The following ERCC8 variants were observed in gnomAD, a reference collection of about 807,000 sequenced individuals.
The protein encoded by ERCC8 is DNA excision repair protein ERCC-8.
ERCC8 carries 52 observed loss-of-function variants against 54.9 expected under a neutral mutation model. The ratio of observed to expected loss-of-function variants is 0.95; its 90% confidence interval spans 0.76 to 1.19. The LOEUF (loss-of-function observed/expected upper bound fraction) is 1.19. ERCC8 is among the 50% of genes most tolerant of loss of function. ERCC8 has a pLI of 0.00. For missense variants in ERCC8, 514 were observed against 466.1 expected (o/e 1.10, Z -0.95); for synonymous variants, 146 against 157.2 (o/e 0.93, Z 0.53).
intron 9 of ERCC8, chr5:60,892,396 G>C (rs990609570): frequency 3.7e-6 from 2 of 542,826 alleles, no homozygotes; most frequent in Non-Finnish European, 7.4e-6. Context: ...CGGTATCCTC[G>C]ATGTCAAAGA....
chr5:60,879,649 T>A (rs557411211), intron 11 of ERCC8, among the ~76,000 whole-genome samples: 1 of 152,354 alleles, frequency 6.6e-6, no homozygotes, highest in Non-Finnish European at 1.5e-5. Flanking sequence ...TGATCTTTGT[T>A]GGTTTAAAGT....
intron 11 of ERCC8, among the ~76,000 whole-genome samples, chr5:60,881,533 G>A (rs531935303): frequency 1.5e-3 from 235 of 152,326 alleles, no homozygotes; most frequent in Middle Eastern, 6.8e-3. Context: ...CAGCCGCTTT[G>A]TTTACCTACT....
rs200513212 is a variant in ERCC8, at chr5:60,887,476, A to C, written c.1086T>G (p.Val362=). Residue 362 remains valine, a synonymous_variant, in exon 11 of 12, where the codon GTT becomes GTG. Transcript: ENST00000676185. ...GSRDCNILAW[V]PSLYEPVPDD... ...CAGGAACTGGTTCATATAAGGATGG[A>C]ACCCAAGCCAGAATGTTGCAGTCTC... The C allele has an allele frequency of 4.3e-6, 7 of 1,613,938 alleles. No homozygotes were observed. Among genetic ancestry groups the C allele is most frequent in the African/African-American group, 1.3e-5 (1 of 74,946 alleles).
chr5:60,911,051 T>C (rs989593992), intron 4 of ERCC8, among the ~76,000 whole-genome samples: 1 of 152,104 alleles, frequency 6.6e-6, no homozygotes, highest in African/African-American at 2.4e-5. Context: ...GAGAATTTTA[T>C]TTTTATTTTT....
At chr5:60,916,553 T>G (rs2112514099) in intron 4 of ERCC8, among the ~76,000 whole-genome samples, 1 of 152,152 alleles carries the variant, frequency 6.6e-6, no homozygotes, top group East Asian at 1.9e-4. Flanking sequence ...TAGTCAGAAG[T>G]GAAAGGTCAT....
At position 60,873,674 on chromosome 5, in the gene ERCC8, CT is replaced by C. The variant is rs1032911635; in HGVS notation, c.*940del. Reference sequence around the variant, plus strand: ...CCTGAGCGACAGAGTGAAACTCCATCTCAGGAAAAAAACAAAAAAACAAAAA... The same window carrying C: ...CCTGAGCGACAGAGTGAAACTCCATCCAGGAAAAAAACAAAAAAACAAAAA... On this transcript the variant is annotated 3_prime_UTR_variant, in exon 12 of 12. Transcript: ENST00000676185. Among the ~76,000 whole-genome samples, 1 of 151,962 alleles carries C rather than the reference CT, an allele frequency of 6.6e-6. No homozygotes were observed. The highest frequency in any genetic ancestry group is 1.5e-5 in the Non-Finnish European group (1 of 68,004).
At chr5:60,896,253 G>T (rs1478863822) in intron 9 of ERCC8, among the ~76,000 whole-genome samples, 2 of 149,154 alleles carry the variant, frequency 1.3e-5, no homozygotes, top group African/African-American at 5.0e-5. Flanking sequence ...TTTTGCTCTT[G>T]TTGCCCAGGC....
chr5:60,892,763 C>T (rs1748602589), intron 9 of ERCC8: 1 of 691,022 alleles, frequency 1.4e-6, no homozygotes, highest in Middle Eastern at 2.9e-4. Context: ...CTGGAGCATC[C>T]AGCAGCCGGA....
intron 4 of ERCC8, chr5:60,918,024 A>C (rs976952258): frequency 6.3e-6 from 3 of 479,636 alleles, no homozygotes; most frequent in Non-Finnish European, 1.2e-5. Flanking sequence ...ACCATACTAT[A>C]ATCATTATTC....
intron 11 of ERCC8, among the ~76,000 whole-genome samples, chr5:60,883,421 T>A (rs114997438): frequency 0.013 from 1,970 of 152,286 alleles, 29 homozygotes; most frequent in Non-Finnish European, 0.017. Flanking sequence ...CTCCTCCTAG[T>A]GGACATGCAG....
At chr5:60,919,853 T>C (rs1295865158) in intron 3 of ERCC8, among the ~76,000 whole-genome samples, 1 of 151,916 alleles carries the variant, frequency 6.6e-6, no homozygotes, top group Non-Finnish European at 1.5e-5. Context: ...GGCTGGAACA[T>C]TTTTTTAAAA....
chr5:60,874,623 C>G lies in ERCC8; in HGVS notation c.1183G>C (p.Glu395Gln). The change falls in exon 12 of 12, where the codon GAA becomes CAA. Residue 395 changes from glutamate to glutamine, a missense_variant. Glu to Gln is a conservative substitution (Grantham distance 29, BLOSUM62 2). Transcript: ENST00000676185. ...GGTACTAAAGATGATATTCATCCTT[C>G]TTCATCACTGCTGCTCCAGGCATCT... ...FEDAWSSSDEEG is the reference protein window; with the variant it reads ...FEDAWSSSDEQG The G allele has an allele frequency of 5.6e-6, 9 of 1,613,158 alleles. No homozygotes were observed. Among genetic ancestry groups the G allele is most frequent in the Non-Finnish European group, 7.6e-6 (9 of 1,179,684 alleles).
At chr5:60,904,753 T>C (rs1368283872) in intron 5 of ERCC8, 39 bp downstream of exon 5, 1 of 1,318,214 alleles carries the variant, frequency 7.6e-7, no homozygotes, top group Non-Finnish European at 1.1e-6. Context: ...GGGAGAAAGT[T>C]TTCAGTATGT....
rs1747883031 is a variant in ERCC8, at chr5:60,872,459, C to G, written c.*2156G>C. ...GGAACTCAATAGCAGGAAAACAACCCATTTAAAAATGGGCAAAGAACCTGA... is the reference window on the plus strand; with the variant it reads ...GGAACTCAATAGCAGGAAAACAACCGATTTAAAAATGGGCAAAGAACCTGA... On this transcript the variant is annotated 3_prime_UTR_variant, in exon 12 of 12. Transcript: ENST00000676185. 6.6e-6 allele frequency among the ~76,000 whole-genome samples: 1 copy of G among 152,002 alleles called. No individual in the cohort carries two copies. The highest frequency in any genetic ancestry group is 2.1e-4 in the South Asian group (1 of 4,814).
intron 10 of ERCC8, 80 bp from the exon 11 acceptor site, chr5:60,887,600 A>G: frequency 1.9e-6 from 2 of 1,032,590 alleles, no homozygotes; most frequent in Non-Finnish European, 3.1e-6. Context: ...TTTTTGAAAT[A>G]ATTAGGTCAT....
chr5:60,889,201 C>T (rs1748478236), intron 10 of ERCC8, among the ~76,000 whole-genome samples: 1 of 152,284 alleles, frequency 6.6e-6, no homozygotes, highest in Middle Eastern at 3.4e-3. Context: ...GTGCCAGGCT[C>T]CTTCAGGGTA....
intron 3 of ERCC8, among the ~76,000 whole-genome samples, chr5:60,920,164 T>C (rs1427712904): frequency 1.3e-5 from 2 of 152,104 alleles, no homozygotes; most frequent in East Asian, 3.9e-4. Flanking sequence ...GACTGTGTTC[T>C]CTATCCTGAC....
intron 9 of ERCC8, chr5:60,892,793 C>T (rs1375903005): frequency 4.4e-6 from 3 of 682,652 alleles, no homozygotes; most frequent in East Asian, 2.6e-5. Context: ...CCAGGTAGAC[C>T]TCCTGCATGA....
intron 11 of ERCC8, among the ~76,000 whole-genome samples, chr5:60,879,351 T>G (rs1324151313): frequency 1.3e-5 from 2 of 152,200 alleles, no homozygotes; most frequent in African/African-American, 4.8e-5. Context: ...CTCTGTTGAT[T>G]TGGGGTGGAG....
Sources: allele counts gnomAD v4.1 joint callset (sites outside exome capture counted in the v4.1 genomes callset), GRCh38; gene constraint gnomAD v4.1.1; transcripts MANE v1.5; gene names NCBI Gene and HGNC (gene_info 2026-07-23, HGNC 2026-07-21).